Variants in CFAP70 observed in about 807,000 individuals in gnomAD.
The protein encoded by CFAP70 is cilia and flagella associated protein 70.
Under a neutral mutation model 137.6 loss-of-function variants are expected in CFAP70, and 81 were observed. The ratio of observed to expected loss-of-function variants is 0.59; its 90% CI spans 0.49 to 0.71. The LOEUF (loss-of-function observed/expected upper bound fraction) is 0.71, where lower values mean the gene tolerates loss of function less well. CFAP70 is among the 30% of genes least tolerant of loss of function. CFAP70 has a pLI of 0.00. For synonymous variants in CFAP70, 382 were observed against 423.6 expected (o/e 0.90, Z 1.20); for missense variants, 976 against 1,226.7 (o/e 0.80, Z 3.05).
At chr10:73,304,198 C>A (rs1433341732) in intron 12 of CFAP70, among the ~76,000 whole-genome samples, 1 of 152,042 alleles carries the variant, frequency 6.6e-6, no homozygotes, top group African/African-American at 2.4e-5. Flanking sequence ...GGACTACAGG[C>A]ACCCACCATC....
In CFAP70 at chr10:73,351,033, ATGTGTGTATATATG is replaced by A. The variant is rs1158426611; in HGVS notation, c.250+2509_251-2513del. Among the ~76,000 whole-genome samples, 20 of 129,556 alleles carry A rather than the reference ATGTGTGTATATATG, an allele frequency of 1.5e-4. No individual in the cohort carries two copies. The South Asian group carries it at 1.8e-3, about 11-fold the overall frequency. 85.0% of individuals were successfully genotyped at this position (129,556 alleles called of 152,430 possible). A position where few individuals can be genotyped will look rare whatever the true frequency, so the allele number is the denominator to read the frequency against. On this transcript the variant is annotated intron_variant, in intron 3 of 26. Coordinates refer to ENST00000310715, the Ensembl canonical transcript of CFAP70. ...TATGTGTGTGTATATATATGTGTAT[ATGTGTGTATATATG>A]TGTGTGTGTGTGTGTGTGTGTGTGT... is the stretch of plus-strand genomic sequence containing the variant.
intron 14 of CFAP70, among the ~76,000 whole-genome samples, chr10:73,297,381 A>G (rs1040573533): frequency 6.6e-6 from 1 of 152,172 alleles, no homozygotes; most frequent in Non-Finnish European, 1.5e-5. Context: ...CATCACCATC[A>G]TTACTAATTG....
chr10:73,272,890 G>C (rs1234800773), intron 24 of CFAP70, 38 bp downstream of exon 25: 1 of 1,524,980 alleles, frequency 6.6e-7, no homozygotes. Flanking sequence ...AAGGTCAGCT[G>C]TATCCACAGC....
chr10:73,279,821 G>T (rs764902639), intron 19 of CFAP70, among the ~76,000 whole-genome samples: 20 of 151,534 alleles, frequency 1.3e-4, no homozygotes, highest in Non-Finnish European at 2.5e-4. Context: ...TTTTGCCACT[G>T]CACTCTGGCC....
intron 3 of CFAP70, among the ~76,000 whole-genome samples, chr10:73,351,117 G>GTT (rs200075967): frequency 7.4e-5 from 6 of 80,752 alleles, no homozygotes; most frequent in African/African-American, 2.1e-4. Context: ...ATATATGTAT[G>GTT]TTTTGTTTTT....
intron 7 of CFAP70, 51 bp from the exon 9 acceptor site, chr10:73,331,327 T>C (rs1168431758): frequency 1.4e-6 from 2 of 1,448,104 alleles, no homozygotes; most frequent in Non-Finnish European, 1.9e-6. Context: ...ATAAAGTCAG[T>C]ATAATTTAGG....
intron 6 of CFAP70, among the ~76,000 whole-genome samples, chr10:73,338,432 C>CTTTT (rs976162527): frequency 9.2e-6 from 1 of 108,496 alleles, no homozygotes; most frequent in Non-Finnish European, 2.0e-5. Context: ...ATGTGAATCT[C>CTTTT]TTTTTTTTTT....
At position 73,272,249 on chromosome 10, in the gene CFAP70, C is replaced by T. The variant is rs367730264; in HGVS notation, c.2925+679G>A. 1.2e-4 allele frequency among the ~76,000 whole-genome samples: 19 copies of T among 152,184 alleles called. No individual in the cohort carries two copies. In the East Asian group the frequency reaches 2.3e-3, roughly 19 times the overall value. ...ACTCAGGAGGCTGAGGCAGGAGGATCACTTGAACCCAGGAGGCAGAGGTTG... is the reference window on the plus strand; with the variant it reads ...ACTCAGGAGGCTGAGGCAGGAGGATTACTTGAACCCAGGAGGCAGAGGTTG... On this transcript the variant is annotated intron_variant, in intron 24 of 26. Coordinates refer to ENST00000310715, the Ensembl canonical transcript of CFAP70.
intron 12 of CFAP70, among the ~76,000 whole-genome samples, chr10:73,308,247 A>G (rs765572115): frequency 6.6e-6 from 1 of 152,144 alleles, no homozygotes; most frequent in Non-Finnish European, 1.5e-5. Flanking sequence ...ATAACAACAG[A>G]TAACACATTC....
At chr10:73,361,628 T>A (rs910769032), upstream of CFAP70, among the ~76,000 whole-genome samples, 2 of 152,152 alleles carry the variant, frequency 1.3e-5, no homozygotes, top group African/African-American at 4.8e-5. Context: ...TATAAAAATA[T>A]CTTTCTAATA....
chr10:73,356,657 A>C (rs2054703394), intron 1 of CFAP70, among the ~76,000 whole-genome samples: 1 of 152,186 alleles, frequency 6.6e-6, no homozygotes, highest in South Asian at 2.1e-4. Flanking sequence ...CAGTCACCTA[A>C]AAGTGTCAAA....
intron 7 of CFAP70, among the ~76,000 whole-genome samples, chr10:73,334,474 T>C (rs529504150): frequency 3.6e-4 from 55 of 152,098 alleles, no homozygotes; most frequent in Non-Finnish European, 6.8e-4. Context: ...TGCACCATGA[T>C]ACAACCTTGT....
exon 17 of CFAP70, chr10:73,291,917 T>C (rs754533201): frequency 1.2e-6 from 2 of 1,614,230 alleles, no homozygotes; most frequent in South Asian, 2.2e-5. Context: ...AAGGGCTTTC[T>C]GAAAACACTC....
At chr10:73,268,702 C>CTT (rs149821529) in intron 25 of CFAP70, among the ~76,000 whole-genome samples, 9 of 149,226 alleles carry the variant, frequency 6.0e-5, no homozygotes, top group Admixed American at 2.7e-4. Context: ...TCTTTTTTTT[C>CTT]TTTTTTTTTG....
chr10:73,345,255 A>G lies in CFAP70; in HGVS notation c.350-141T>C. 1.9e-6 allele frequency: 3 copies of G among 1,606,364 alleles called. No homozygotes were observed. Among genetic ancestry groups the G allele is most frequent in the Non-Finnish European group, 2.6e-6 (3 of 1,175,320 alleles). On this transcript the variant is annotated intron_variant, in intron 4 of 26. Transcript: ENST00000310715. Reference sequence around the variant, plus strand: ...TTCAAGACTGCACTGCTGTAAAAGAATAAAATTATGCAGCATTTTGAAAAT... The same window carrying G: ...TTCAAGACTGCACTGCTGTAAAAGAGTAAAATTATGCAGCATTTTGAAAAT...
chr10:73,354,770 T>C, exon 2 of CFAP70: 1 of 1,614,064 alleles, frequency 6.2e-7, no homozygotes. Flanking sequence ...TCTGCACGAG[T>C]CTGCCTGCTG....
intron 9 of CFAP70, among the ~76,000 whole-genome samples, chr10:73,319,418 A>G (rs1298058689): frequency 1.3e-5 from 2 of 152,216 alleles, no homozygotes; most frequent in Admixed American, 6.5e-5. Context: ...CTTCCTTAAC[A>G]ATTGCAAATC....
intron 25 of CFAP70, among the ~76,000 whole-genome samples, chr10:73,262,594 T>C (rs1237703460): frequency 6.6e-6 from 1 of 152,114 alleles, no homozygotes; most frequent in African/African-American, 2.4e-5. Context: ...CTTTTATCCA[T>C]GAAAATGTGA....
intron 18 of CFAP70, 91 bp from the exon 20 acceptor site, chr10:73,291,535 A>C (rs1295564486): frequency 1.0e-5 from 15 of 1,505,982 alleles, no homozygotes; most frequent in Non-Finnish European, 1.3e-5. Context: ...CCCATATTTT[A>C]CCAAAGTTTA....
Sources: gnomAD v4.1 joint callset for allele counts (sites outside exome capture counted in the v4.1 genomes callset) on GRCh38, gnomAD v4.1.1 for gene constraint, MANE v1.5 for transcripts, NCBI Gene and HGNC (gene_info 2026-07-23, HGNC 2026-07-21) for gene names.